Variants in FAM161A observed in about 807,000 individuals in gnomAD.
The protein encoded by FAM161A is FAM161 centrosomal protein A, also known as protein FAM161A.
Under a neutral mutation model 70.9 loss-of-function variants are expected in FAM161A, and 57 were observed. That is an observed-to-expected ratio of 0.80 (90% CI 0.65 to 1.00). FAM161A has a LOEUF of 1.00. Among genes scored for constraint, FAM161A ranks in the 50% least tolerant of loss-of-function variants. The pLI, the probability that FAM161A is intolerant of heterozygous loss-of-function variation, is 0.00. For synonymous variants in FAM161A, 299 were observed against 295.7 expected, an observed-to-expected ratio of 1.01 and a Z score of -0.12; for missense variants, 880 against 836.0, an observed-to-expected ratio of 1.05 and a Z score of -0.65.
At chr2:61,816,540 A>G in the FAM161A span, among the ~76,000 whole-genome samples, 2 of 152,000 alleles carry the variant, frequency 1.3e-5, no homozygotes, top group Non-Finnish European at 2.9e-5. Context: ...TGCCCACTGC[A>G]GCCTTGACCT....
At chr2:61,832,199 C>T (rs1446212394) in intron 5 of FAM161A, among the ~76,000 whole-genome samples, 2 of 141,640 alleles carry the variant, frequency 1.4e-5, no homozygotes, top group Non-Finnish European at 3.0e-5. Flanking sequence ...GAGCCGAGAT[C>T]ATGCCACTGC....
chr2:61,814,026 TAG>T, the FAM161A span, among the ~76,000 whole-genome samples: 1 of 152,050 alleles, frequency 6.6e-6, no homozygotes. Flanking sequence ...AGAGTGAGGT[TAG>T]AGATGCCAGA....
chr2:61,801,569 T>TTG, the FAM161A span, among the ~76,000 whole-genome samples: 109 of 123,776 alleles, frequency 8.8e-4, no homozygotes, highest in Middle Eastern at 4.3e-3. Context: ...GTTTTTTTGG[T>TTG]TTTTTTTTTT....
At chr2:61,813,956 C>G in the FAM161A span, among the ~76,000 whole-genome samples, 2 of 152,142 alleles carry the variant, frequency 1.3e-5, no homozygotes, top group African/African-American at 4.8e-5. Flanking sequence ...TGACCGAACC[C>G]TGAGGAGTTC....
intron 5 of FAM161A, among the ~76,000 whole-genome samples, chr2:61,831,401 A>T (rs1394760143): frequency 1.3e-5 from 2 of 152,064 alleles, no homozygotes; most frequent in Non-Finnish European, 2.9e-5. Context: ...TATCAATCTG[A>T]CCATTCCCCC....
At chr2:61,817,274 C>T in the FAM161A span, among the ~76,000 whole-genome samples, 2 of 152,092 alleles carry the variant, frequency 1.3e-5, no homozygotes, top group East Asian at 1.9e-4. Flanking sequence ...AACAGACAAG[C>T]GGCTTTAAAA....
At chr2:61,800,263 G>A in the FAM161A span, among the ~76,000 whole-genome samples, 1 of 152,130 alleles carries the variant, frequency 6.6e-6, no homozygotes, top group Non-Finnish European at 1.5e-5. Flanking sequence ...TTTTATTGGA[G>A]CTGTACAAAA....
chr2:61,811,470 T>A, the FAM161A span, among the ~76,000 whole-genome samples: 1 of 152,038 alleles, frequency 6.6e-6, no homozygotes, highest in Non-Finnish European at 1.5e-5. Flanking sequence ...GTCTCCCACA[T>A]TCAAGTGATT....
chr2:61,807,403 G>A, the FAM161A span, among the ~76,000 whole-genome samples: 3 of 151,918 alleles, frequency 2.0e-5, no homozygotes, highest in African/African-American at 7.2e-5. Context: ...TAAGCATTGC[G>A]TAGATTGTGC....
In FAM161A at chr2:61,840,106, C is replaced by A; in HGVS notation, c.898G>T (p.Val300Phe). Residue 300 changes from valine (V) to phenylalanine (F), a missense_variant, in exon 3 of 7, where the codon GTC becomes TTC. Transcript: ENST00000404929. ...SVFLPLYHDL[V>F]KQKEERRRSL... ...CTTCTCCGTTCTTCTTTTTGCTTGA[C>A]TAAATCATGGTAAAGGGGGAGAAAG... The A allele has an allele frequency of 5.0e-6, 8 of 1,614,142 alleles. 1 individual carries two copies. In the South Asian group the frequency reaches 7.7e-5, roughly 16 times the overall value.
the FAM161A span, among the ~76,000 whole-genome samples, chr2:61,802,791 G>C: frequency 6.6e-6 from 1 of 152,076 alleles, no homozygotes; most frequent in Non-Finnish European, 1.5e-5. Context: ...ACAGTAATTC[G>C]CAAGATGGTC....
In FAM161A at chr2:61,845,390, T is replaced by C. The variant is rs1673167369; in HGVS notation, c.184-3030A>G. Among the ~76,000 whole-genome samples, 3 of 152,244 alleles carry C rather than the reference T, an allele frequency of 2.0e-5. No homozygotes were observed. The South Asian group carries it at 6.2e-4, about 32-fold the overall frequency. On this transcript the variant is annotated intron_variant, in intron 1 of 6. Transcript: ENST00000404929. ...CTCTCACCCAATGCTTTCACCTTTA[T>C]AGGGTCAAAAGGGGGCTGAAACCAG... is the stretch of plus-strand genomic sequence containing the variant.
chr2:61,846,906 C>T (rs1673234661), intron 1 of FAM161A: 5 of 454,518 alleles, frequency 1.1e-5, no homozygotes, highest in Non-Finnish European at 2.2e-5. Context: ...ATTGGCCAGG[C>T]ACAGTGGTTC....
At chr2:61,802,651 CT>C in the FAM161A span, among the ~76,000 whole-genome samples, 3 of 152,106 alleles carry the variant, frequency 2.0e-5, no homozygotes. Flanking sequence ...AAGCTATTTT[CT>C]TTTAAAAACT....
At chr2:61,844,843 C>T (rs575220141) in intron 1 of FAM161A, among the ~76,000 whole-genome samples, 2 of 152,254 alleles carry the variant, frequency 1.3e-5, no homozygotes, top group East Asian at 1.9e-4. Flanking sequence ...TCCAGCTAAG[C>T]GGAGAGACAG....
At chr2:61,816,988 G>C in the FAM161A span, among the ~76,000 whole-genome samples, 1 of 152,144 alleles carries the variant, frequency 6.6e-6, no homozygotes, top group African/African-American at 2.4e-5. Context: ...TCCATTTGCT[G>C]CAGAAAGAAA....
rs116478939 is a variant in FAM161A at position 61,846,621 on chromosome 2, C to G, written c.184-4261G>C. 5.2e-3 allele frequency: 1,173 copies of G among 223,472 alleles called. 15 individuals are homozygous for G. Among genetic ancestry groups the G allele is most frequent in the African/African-American group, 0.027 (1,123 of 42,352 alleles). 13.8% of individuals were successfully genotyped at this position (223,472 alleles called of 1,614,324 possible). On this transcript the variant is annotated intron_variant, in intron 1 of 6. Coordinates refer to ENST00000404929, the MANE Select transcript of FAM161A (RefSeq NM_001201543.2). ...TAGTGTCTCTCAGCTCCAATGCCAC[C>G]CTTCTCGACTCTGCTTTGCAATGCC... is the stretch of plus-strand genomic sequence containing the variant.
At chr2:61,842,669 T>G in intron 1 of FAM161A, among the ~76,000 whole-genome samples, 1 of 152,178 alleles carries the variant, frequency 6.6e-6, no homozygotes, top group Non-Finnish European at 1.5e-5. Context: ...CCAACAACCC[T>G]TTACAAAGTA....
chr2:61,847,539 G>A (rs970542223), intron 1 of FAM161A, among the ~76,000 whole-genome samples: 3 of 152,144 alleles, frequency 2.0e-5, no homozygotes, highest in African/African-American at 7.2e-5. Context: ...GGGAGGCTGG[G>A]GCAGGTGGAT....
Sources: allele counts gnomAD v4.1 joint callset (sites outside exome capture counted in the v4.1 genomes callset), GRCh38; gene constraint gnomAD v4.1.1; transcripts MANE v1.5; gene names NCBI Gene and HGNC (gene_info 2026-07-23, HGNC 2026-07-21).